Variants in BIRC6 observed in about 807,000 individuals in gnomAD.
The protein encoded by BIRC6 is dual E2 ubiquitin-conjugating enzyme/E3 ubiquitin-protein ligase BIRC6.
A neutral mutation model predicts 503.3 loss-of-function variants in BIRC6; 98 were observed. That is an observed-to-expected ratio of 0.19 (90% CI 0.17 to 0.23). The LOEUF (loss-of-function observed/expected upper bound fraction) is 0.23. Among genes scored for constraint, BIRC6 ranks in the 10% least tolerant of loss-of-function variants. The probability of loss-of-function intolerance (pLI) is 1.00; values close to 1 mark genes in which losing one functional copy is unlikely to be tolerated. For missense variants in BIRC6, 5,360 were observed against 5,806.0 expected (o/e 0.92, Z 2.50); for synonymous variants, 2,240 against 2,078.7 (o/e 1.08, Z -2.11).
Position 32,415,281 on chromosome 2 carries a change from G to C in BIRC6, c.1990G>C (p.Val664Leu). The change falls in exon 10 of 74, where the codon GTT (valine) becomes CTT (leucine). Residue 664 changes from valine to leucine, a missense_variant. By Grantham distance (32) the Val-to-Leu change is conservative. Transcript: ENST00000421745. ...AAGTTTGCATGATGATGGTTTTACT[G>C]TTCCACAGATTATTGAAATGGAGCT... is the stretch of plus-strand genomic sequence containing the variant. ...SKSLHDDGFT[V>L]PQIIEMELDS... 13 of 1,614,020 alleles carry C rather than the reference G, an allele frequency of 8.1e-6. No individual in the cohort carries two copies. Among genetic ancestry groups the C allele is most frequent in the East Asian group, 2.2e-5 (1 of 44,890 alleles).
At chr2:32,373,524 TACTC>T (rs2149305417) in intron 1 of BIRC6, among the ~76,000 whole-genome samples, 1 of 152,310 alleles carries the variant, frequency 6.6e-6, no homozygotes, top group South Asian at 2.1e-4. Flanking sequence ...GAAGACTGGA[TACTC>T]ACGTGCAAAA....
chr2:32,522,136 C>T (rs548540764), intron 57 of BIRC6: 14 of 151,634 alleles, frequency 9.2e-5, no homozygotes, highest in Non-Finnish European at 1.8e-4. Context: ...ATCTGTTAGA[C>T]GTTTTATATC....
At chr2:32,373,331 C>G (rs2036248458) in intron 1 of BIRC6, among the ~76,000 whole-genome samples, 1 of 151,976 alleles carries the variant, frequency 6.6e-6, no homozygotes, top group African/African-American at 2.4e-5. Flanking sequence ...CACTTGATTT[C>G]AAAATTTAGT....
Position 32,502,812 on chromosome 2 carries a change from C to T in BIRC6, c.9225C>T (p.Cys3075=), listed in dbSNP as rs368611328. The T allele has an allele frequency of 3.2e-5, 51 of 1,611,626 alleles. No individual in the cohort carries two copies. The African/African-American group carries it at 6.3e-4, about 20-fold the overall frequency. Reference sequence around the variant, plus strand: ...TTTTTTAGGGCTCTCTTGCTACTTGCCAGTTATCTGAGCCATTATTGTGGT... The same window carrying T: ...TTTTTTAGGGCTCTCTTGCTACTTGTCAGTTATCTGAGCCATTATTGTGGT... ...YMGRQGSLAT[C]QLSEPLLWFI... The change falls in exon 48 of 74, where the codon TGC becomes TGT. Residue 3075 remains cysteine, a synonymous_variant. Transcript: ENST00000421745.
intron 61 of BIRC6, among the ~76,000 whole-genome samples, chr2:32,539,509 A>T (rs1373040974): frequency 1.3e-5 from 2 of 152,234 alleles, no homozygotes; most frequent in Non-Finnish European, 2.9e-5. Context: ...ATTAAATTGG[A>T]AACCAATAGC....
intron 1 of BIRC6, among the ~76,000 whole-genome samples, chr2:32,363,765 G>A (rs570132736): frequency 6.6e-6 from 1 of 152,268 alleles, no homozygotes; most frequent in East Asian, 1.9e-4. Flanking sequence ...GGATGGTGGG[G>A]AAGACTAAGT....
At position 32,518,898 on chromosome 2, in the gene BIRC6, C is replaced by A; in HGVS notation, c.11575C>A (p.His3859Asn). The A allele has an allele frequency of 6.2e-7, 1 of 1,613,874 alleles. No individual in the cohort carries two copies. The highest frequency in any genetic ancestry group is 1.1e-5 in the South Asian group (1 of 91,078). ...AGCAGGCCACAAATTCCGTACTCTT[C>A]ATTTGCCAGTCTCAACAACATTATC... is the stretch of plus-strand genomic sequence containing the variant. ...YGAGHKFRTL[H>N]LPVSTTLSDV... The change falls in exon 57 of 74, where the codon CAT becomes AAT. Residue 3859 changes from histidine (H) to asparagine (N), a missense_variant. By Grantham distance (68) the His-to-Asn change is moderately conservative. Coordinates refer to ENST00000421745, the MANE Select transcript of BIRC6 (RefSeq NM_016252.4).
intron 23 of BIRC6, among the ~76,000 whole-genome samples, chr2:32,461,582 G>T (rs1433212724): frequency 6.6e-6 from 1 of 151,298 alleles, no homozygotes; most frequent in East Asian, 2.0e-4. Context: ...GCACTGTAAT[G>T]AGTGGTGTTT....
chr2:32,495,950 G>A (rs1216557586), intron 45 of BIRC6, among the ~76,000 whole-genome samples: 2 of 151,708 alleles, frequency 1.3e-5, no homozygotes, highest in Non-Finnish European at 2.9e-5. Flanking sequence ...CCATTCTCCC[G>A]CCTCAGCCTC....
At chr2:32,554,125 C>T (rs1233748620) in intron 65 of BIRC6, among the ~76,000 whole-genome samples, 1 of 152,108 alleles carries the variant, frequency 6.6e-6, no homozygotes, top group African/African-American at 2.4e-5. Flanking sequence ...ACTTTAGAGA[C>T]CCTCACCTAT....
At chr2:32,498,614 C>T (rs997191003) in intron 45 of BIRC6, among the ~76,000 whole-genome samples, 1 of 151,670 alleles carries the variant, frequency 6.6e-6, no homozygotes, top group Non-Finnish European at 1.5e-5. Context: ...TTGAAATAGA[C>T]TTTCGCTCTG....
chr2:32,565,302 G>A (rs2059462381), intron 65 of BIRC6: 1 of 152,170 alleles, frequency 6.6e-6, no homozygotes, highest in Non-Finnish European at 1.5e-5. Context: ...ACACTATGGA[G>A]TATCTAGTTT....
chr2:32,549,669 T>TA (rs778856612), intron 65 of BIRC6, among the ~76,000 whole-genome samples, 188 bp downstream of exon 65: 2 of 152,216 alleles, frequency 1.3e-5, no homozygotes, highest in Non-Finnish European at 2.9e-5. Flanking sequence ...GAACACAGAA[T>TA]AATAAAAGTT....
chr2:32,528,227 C>CT (rs961322150), intron 59 of BIRC6: 310 of 144,390 alleles, frequency 2.1e-3, no homozygotes, highest in East Asian at 1.0e-2. Flanking sequence ...CTGCTTTTTC[C>CT]TTTTTTTTTT....
At chr2:32,493,813 GTGTTTCCTGAT>G (rs2052065538) in intron 45 of BIRC6, 146 bp downstream of exon 45, 1 of 622,046 alleles carries the variant, frequency 1.6e-6, no homozygotes. Context: ...ATATATTGGT[GTGTTTCCTGAT>G]TGTTTCCATT....
intron 2 of BIRC6, among the ~76,000 whole-genome samples, chr2:32,378,313 A>G (rs993106288): frequency 4.6e-5 from 7 of 151,956 alleles, no homozygotes; most frequent in Admixed American, 1.3e-4. Flanking sequence ...ACTCTCTCAT[A>G]TAGCCTCATA....
At chr2:32,563,887 T>C (rs933617871) in intron 65 of BIRC6, 2 of 152,240 alleles carry the variant, frequency 1.3e-5, no homozygotes, top group African/African-American at 4.8e-5. Context: ...GAGACCAGCC[T>C]GGCCAACATG....
intron 66 of BIRC6, among the ~76,000 whole-genome samples, chr2:32,582,950 G>T (rs1009745071): frequency 6.6e-6 from 1 of 152,018 alleles, no homozygotes; most frequent in Non-Finnish European, 1.5e-5. Context: ...TATCTGAAAA[G>T]TAGCCTCTGA....
Position 32,617,972 on chromosome 2 carries a change from A to T in BIRC6, c.*68A>T, listed in dbSNP as rs2063347740. ...ACAAGCCAAATATGTCAATATTTGT[A>T]TGTAAGAAACTAATTATGTAATAGG... On this transcript the variant is annotated 3_prime_UTR_variant, in exon 74 of 74. Coordinates refer to ENST00000421745, the MANE Select transcript of BIRC6 (RefSeq NM_016252.4). 7.0e-7 allele frequency: 1 copy of T among 1,428,116 alleles called. No homozygotes were observed. Among genetic ancestry groups the T allele is most frequent in the Non-Finnish European group, 9.5e-7 (1 of 1,049,648 alleles). The allele number at this position is 1,428,116 out of a possible 1,614,324, so 88.5% of individuals were successfully genotyped here.
Sources: allele counts gnomAD v4.1 joint callset (sites outside exome capture counted in the v4.1 genomes callset), GRCh38; gene constraint gnomAD v4.1.1; transcripts MANE v1.5; gene names NCBI Gene and HGNC (gene_info 2026-07-23, HGNC 2026-07-21).